Variants in UBE2Q2 observed in about 807,000 individuals in gnomAD.
UBE2Q2 encodes the protein ubiquitin-conjugating enzyme E2 Q2.
In UBE2Q2, 54 loss-of-function variants were observed where a neutral mutation model predicts 59.9. The ratio of observed to expected loss-of-function variants is 0.90; its 90% CI spans 0.72 to 1.13. The LOEUF (loss-of-function observed/expected upper bound fraction) is 1.13. UBE2Q2 is among the 50% of genes most tolerant of loss of function. UBE2Q2 has a pLI of 0.00. For synonymous variants in UBE2Q2, 165 were observed against 155.2 expected (o/e 1.06, Z -0.47); for missense variants, 433 against 441.9 (o/e 0.98, Z 0.18).
chr15:75,852,483 T>C (rs1436295478), intron 1 of UBE2Q2, among the ~76,000 whole-genome samples: 1 of 152,208 alleles, frequency 6.6e-6, no homozygotes, highest in Non-Finnish European at 1.5e-5. Flanking sequence ...AAACATGATT[T>C]CAGTTAATTG....
intron 3 of UBE2Q2, among the ~76,000 whole-genome samples, chr15:75,865,723 G>C (rs1897428235): frequency 6.6e-6 from 1 of 151,762 alleles, no homozygotes; most frequent in Non-Finnish European, 1.5e-5. Flanking sequence ...TGTTACTGCT[G>C]TCTTTGCTTC....
intron 1 of UBE2Q2, among the ~76,000 whole-genome samples, chr15:75,846,868 C>G (rs1198374150): frequency 6.6e-6 from 1 of 152,154 alleles, no homozygotes; most frequent in Non-Finnish European, 1.5e-5. Context: ...GAGTCCTGTA[C>G]AGGTGCTCTG....
chr15:75,847,015 G>A (rs1265798449), intron 1 of UBE2Q2, among the ~76,000 whole-genome samples: 1 of 152,090 alleles, frequency 6.6e-6, no homozygotes, highest in Non-Finnish European at 1.5e-5. Flanking sequence ...GTCATATTTA[G>A]TTCATGCTGT....
intron 9 of UBE2Q2, among the ~76,000 whole-genome samples, chr15:75,883,943 T>G (rs1488188546): frequency 6.6e-6 from 1 of 152,194 alleles, no homozygotes; most frequent in Non-Finnish European, 1.5e-5. Context: ...GTTTAGAGAA[T>G]GTTACGATTA....
intron 3 of UBE2Q2, among the ~76,000 whole-genome samples, chr15:75,867,100 C>T (rs1266773299): frequency 6.6e-6 from 1 of 152,196 alleles, no homozygotes; most frequent in South Asian, 2.1e-4. Flanking sequence ...GGTTTGCAGA[C>T]CTGTGCTCTT....
At chr15:75,881,116 C>T (rs146866226) in intron 8 of UBE2Q2, among the ~76,000 whole-genome samples, 11 of 151,716 alleles carry the variant, frequency 7.3e-5, no homozygotes, top group Non-Finnish European at 1.5e-4. Context: ...TATGGGGGAA[C>T]GAATAAAGCA....
chr15:75,878,223 A>G, intron 7 of UBE2Q2: 1 of 532,782 alleles, frequency 1.9e-6, no homozygotes, highest in East Asian at 3.0e-5. Flanking sequence ...AAGGACAGAA[A>G]GAGGGACCAG....
chr15:75,863,994 C>T (rs1410483021), intron 3 of UBE2Q2, among the ~76,000 whole-genome samples: 1 of 152,080 alleles, frequency 6.6e-6, no homozygotes, highest in African/African-American at 2.4e-5. Context: ...CTGAATATCA[C>T]ATGGACTTAA....
chr15:75,862,276 C>T (rs1214797210), intron 3 of UBE2Q2, among the ~76,000 whole-genome samples: 1 of 152,072 alleles, frequency 6.6e-6, no homozygotes, highest in Non-Finnish European at 1.5e-5. Context: ...ACCTTTTCTT[C>T]GCTGGTTATT....
intron 8 of UBE2Q2, among the ~76,000 whole-genome samples, chr15:75,881,338 C>T (rs1898417608): frequency 6.6e-6 from 1 of 151,688 alleles, no homozygotes; most frequent in Non-Finnish European, 1.5e-5. Flanking sequence ...GGCCAGGAAA[C>T]TGGAGGATTT....
At chr15:75,873,941 C>T (rs755170797) in intron 5 of UBE2Q2, among the ~76,000 whole-genome samples, 2 of 152,056 alleles carry the variant, frequency 1.3e-5, no homozygotes, top group African/African-American at 2.4e-5. Context: ...GTCATCCTCC[C>T]ATCTTGGCCT....
intron 8 of UBE2Q2, 64 bp from the exon 9 acceptor site, chr15:75,883,302 T>C: frequency 7.1e-7 from 1 of 1,413,952 alleles, no homozygotes; most frequent in Non-Finnish European, 9.9e-7. Flanking sequence ...TTTTAAAATC[T>C]TCTAAATAGT....
chr15:75,854,477 A>G lies in UBE2Q2; in HGVS notation c.272A>G (p.Asn91Ser). The change falls in exon 2 of 13, where the codon AAC becomes AGC. Residue 91 changes from asparagine to serine, a missense_variant. Coordinates refer to ENST00000267938, the MANE Select transcript of UBE2Q2 (RefSeq NM_173469.4). ...SVLERLEDTK[N>S]NNLLRQQLKW... is the part of the protein sequence containing the mutation. ...CTGGAACGTCTAGAAGATACTAAGA[A>G]CAACAATTTGGTAAGAAAATAAGCC... The G allele has an allele frequency of 1.2e-6, 2 of 1,607,414 alleles. No individual in the cohort carries two copies. Among genetic ancestry groups the G allele is most frequent in the Non-Finnish European group, 1.7e-6 (2 of 1,176,488 alleles).
At chr15:75,882,974 AG>A (rs1184891915) in intron 8 of UBE2Q2, among the ~76,000 whole-genome samples, 1 of 152,000 alleles carries the variant, frequency 6.6e-6, no homozygotes, top group Non-Finnish European at 1.5e-5. Context: ...AGAAAACCTA[AG>A]GGGGAAAAAA....
chr15:75,861,195 C>T (rs1205171423), intron 3 of UBE2Q2, among the ~76,000 whole-genome samples: 1 of 152,218 alleles, frequency 6.6e-6, no homozygotes, highest in Non-Finnish European at 1.5e-5. Context: ...TCCCCATCAA[C>T]GTTGACTTCT....
At chr15:75,861,460 C>T (rs1897204635) in intron 3 of UBE2Q2, among the ~76,000 whole-genome samples, 1 of 152,228 alleles carries the variant, frequency 6.6e-6, no homozygotes, top group Non-Finnish European at 1.5e-5. Context: ...TTTTTTCACT[C>T]ATTGTGCTCA....
At chr15:75,892,385 G>A (rs1320935189) in intron 11 of UBE2Q2, among the ~76,000 whole-genome samples, 2 of 152,134 alleles carry the variant, frequency 1.3e-5, no homozygotes, top group Non-Finnish European at 2.9e-5. Context: ...AAGGACAGTA[G>A]GTTTTGGAAT....
chr15:75,846,257 A>C (rs945787362), intron 1 of UBE2Q2, among the ~76,000 whole-genome samples: 2 of 152,068 alleles, frequency 1.3e-5, no homozygotes, highest in Non-Finnish European at 1.5e-5. Context: ...TTATTTTTTG[A>C]GACGGAGTCT....
chr15:75,855,930 G>GT (rs1181756071), intron 2 of UBE2Q2, among the ~76,000 whole-genome samples: 11 of 152,284 alleles, frequency 7.2e-5, no homozygotes, highest in South Asian at 2.1e-4. Flanking sequence ...GCTCATGCCT[G>GT]TAATTCCAGA....
Sources: allele counts gnomAD v4.1 joint callset (sites outside exome capture counted in the v4.1 genomes callset), GRCh38; gene constraint gnomAD v4.1.1; transcripts MANE v1.5; gene names NCBI Gene and HGNC (gene_info 2026-07-23, HGNC 2026-07-21).